The following ZNF76 variants were observed in gnomAD, a reference collection of about 807,000 sequenced individuals.
ZNF76 encodes zinc finger protein 523.
ZNF76 carries 66 observed loss-of-function variants against 66.9 expected under a neutral mutation model. The ratio of observed to expected loss-of-function variants is 0.99; its 90% CI spans 0.81 to 1.21. The LOEUF is 1.21. ZNF76 is among the 50% of genes most tolerant of loss of function. ZNF76 has a pLI of 0.00. For missense variants in ZNF76, 729 were observed against 760.3 expected, an observed-to-expected ratio of 0.96 and a Z score of 0.48; for synonymous variants, 275 against 296.1, an observed-to-expected ratio of 0.93 and a Z score of 0.73.
chr6:35,293,915 C>G lies in ZNF76; in HGVS notation c.1494C>G (p.Pro498=). 2.5e-6 allele frequency: 4 copies of G among 1,613,560 alleles called. No homozygotes were observed. The highest frequency in any genetic ancestry group is 3.4e-6 in the Non-Finnish European group (4 of 1,179,804). Residue 498 remains proline, a splice_region_variant and synonymous_variant, in exon 12 of 14, where the codon CCC becomes CCG. Transcript: ENST00000373953. ...GCGCCGATGGCACCCAGACGCAGCCCGTATGACCAGGCGGTTTGCTTGGGG... is the reference window on the plus strand; with the variant it reads ...GCGCCGATGGCACCCAGACGCAGCCGGTATGACCAGGCGGTTTGCTTGGGG... ...MVSADGTQTQ[P]VTIITSGAVV... is the part of the protein sequence containing the mutation.
intron 1 of ZNF76, among the ~76,000 whole-genome samples, chr6:35,267,005 T>G (rs904366420): frequency 1.3e-5 from 2 of 151,986 alleles, no homozygotes; most frequent in African/African-American, 4.8e-5. Context: ...TTCACCGTGT[T>G]AACCAGGATG....
At position 35,292,589 on chromosome 6, in the gene ZNF76, G is replaced by C. The variant is rs753748668; in HGVS notation, c.967G>C (p.Gly323Arg). 6.2e-7 allele frequency: 1 copy of C among 1,613,510 alleles called. No homozygotes were observed. The highest frequency in any genetic ancestry group is 1.7e-5 in the Admixed American group (1 of 60,006). Residue 323 changes from glycine to arginine, a missense_variant, in exon 10 of 14, where the codon GGG (glycine) becomes CGG (arginine). By Grantham distance (125) the Gly-to-Arg change is moderately radical. Transcript: ENST00000373953. The surrounding 1 kb of genome is among the most constrained non-coding windows in gnomAD (Gnocchi z 4.7). Reference sequence around the variant, plus strand: ...ATACGTTTGCACGGTGCCAGGCTGCGGGAAACGCTTCACCGAGTACTCGAG... The same window carrying C: ...ATACGTTTGCACGGTGCCAGGCTGCCGGAAACGCTTCACCGAGTACTCGAG... ...KPYVCTVPGCGKRFTEYSSLY... is the reference protein window; with the variant it reads ...KPYVCTVPGCRKRFTEYSSLY...
intron 1 of ZNF76, among the ~76,000 whole-genome samples, chr6:35,260,557 TGGTGCTAAGGAGGATATA>T (rs989095115): frequency 2.6e-5 from 4 of 152,300 alleles, no homozygotes; most frequent in Middle Eastern, 3.4e-3. Context: ...AGCACCTTTC[TGGTGCTAAGGAGGATATA>T]GAGATTAATA....
intron 2 of ZNF76, among the ~76,000 whole-genome samples, chr6:35,281,902 C>T (rs1788820610): frequency 1.3e-5 from 2 of 148,348 alleles, no homozygotes; most frequent in African/African-American, 5.0e-5. Context: ...CACCACTGCA[C>T]ACCAGCCTGG....
Position 35,292,567 on chromosome 6 carries a change from C to A in ZNF76, c.945C>A (p.Tyr315Ter), listed in dbSNP as rs147863647. The A allele has an allele frequency of 1.2e-6, 2 of 1,612,588 alleles. No homozygotes were observed. Among genetic ancestry groups the A allele is most frequent in the African/African-American group, 2.7e-5 (2 of 74,888 alleles). Residue 315 changes from tyrosine (Y) to a stop codon, truncating the protein, a stop_gained, in exon 10 of 14, where the codon TAC becomes TAA. Transcript: ENST00000373953. LOFTEE classifies it high-confidence loss of function. This position sits in a 1 kb window ranked among gnomAD's most constrained non-coding sequence, Gnocchi z 4.7. ...HVRIHTGEKPYVCTVPGCGKR... is the reference protein window; with the variant it reads ...HVRIHTGEKP ...CAGTGTCCCCAGGGGAGAAGCCATA[C>A]GTTTGCACGGTGCCAGGCTGCGGGA... is the stretch of plus-strand genomic sequence containing the variant.
Position 35,293,813 on chromosome 6 carries a change from C to T in ZNF76, c.1392C>T (p.His464=), listed in dbSNP as rs759224970. 1.3e-4 allele frequency: 217 copies of T among 1,614,016 alleles called. No homozygotes were observed. The highest frequency in any genetic ancestry group is 1.7e-4 in the Non-Finnish European group (198 of 1,180,042). Reference sequence around the variant, plus strand: ...GTGCCATCAGTATGGTCACCCAGCACGGCAGCACCACCCTCACCATCCCCA... The same window carrying T: ...GTGCCATCAGTATGGTCACCCAGCATGGCAGCACCACCCTCACCATCCCCA... ...LGSAISMVTQ[H]GSTTLTIPSP... The change falls in exon 12 of 14, where the codon CAC becomes CAT. Residue 464 remains histidine (H), a synonymous_variant. Coordinates refer to ENST00000373953, the MANE Select transcript of ZNF76 (RefSeq NM_003427.5).
intron 13 of ZNF76, 82 bp from the exon 14 acceptor site, chr6:35,295,062 A>G: frequency 8.9e-7 from 1 of 1,123,260 alleles, no homozygotes; most frequent in South Asian, 1.5e-5. Context: ...TCAAAAAAAA[A>G]AGTAGGCCAC....
chr6:35,284,105 T>C (rs545902657), intron 2 of ZNF76, among the ~76,000 whole-genome samples: 14 of 152,302 alleles, frequency 9.2e-5, no homozygotes, highest in South Asian at 6.2e-4. Context: ...TTCCTTTTTT[T>C]TTTTGAGACG....
chr6:35,291,494 C>G (rs1214017569), intron 8 of ZNF76, 64 bp from the exon 9 acceptor site: 2 of 1,607,094 alleles, frequency 1.2e-6, no homozygotes, highest in East Asian at 4.5e-5. Flanking sequence ...CCAGTGCCAT[C>G]CCCAGCTTGC....
chr6:35,275,430 A>G (rs1003527145), intron 1 of ZNF76, among the ~76,000 whole-genome samples: 2 of 152,154 alleles, frequency 1.3e-5, no homozygotes, highest in African/African-American at 2.4e-5. Flanking sequence ...GAACTCACAC[A>G]TAGCCATCCT....
intron 1 of ZNF76, among the ~76,000 whole-genome samples, chr6:35,266,846 G>A (rs1786190913): frequency 7.9e-6 from 1 of 126,402 alleles, no homozygotes; most frequent in Non-Finnish European, 1.6e-5. Context: ...CGTCACCCAG[G>A]CTGAAGTGCA....
chr6:35,281,011 G>T, intron 1 of ZNF76, 45 bp from the exon 2 acceptor site: 1 of 805,840 alleles, frequency 1.2e-6, no homozygotes. Context: ...TTTGCGATAG[G>T]AGAAAGCTGG....
At chr6:35,272,712 C>T (rs1401617068) in intron 1 of ZNF76, among the ~76,000 whole-genome samples, 2 of 152,206 alleles carry the variant, frequency 1.3e-5, no homozygotes, top group Non-Finnish European at 2.9e-5. Flanking sequence ...AATCATGGCT[C>T]TCCAAAGCCT....
At chr6:35,275,665 CAGT>C (rs1787787654) in intron 1 of ZNF76, among the ~76,000 whole-genome samples, 1 of 152,178 alleles carries the variant, frequency 6.6e-6, no homozygotes, top group South Asian at 2.1e-4. Context: ...CAGGGAACAA[CAGT>C]AGCCTCTTTT....
chr6:35,270,590 C>CT (rs1786894023), intron 1 of ZNF76: 1 of 152,168 alleles, frequency 6.6e-6, no homozygotes, highest in African/African-American at 2.4e-5. Flanking sequence ...GAGATGGAGT[C>CT]TCGCCCTGTC....
chr6:35,291,580 T>C lies in ZNF76; in HGVS notation c.774T>C (p.Pro258=), dbSNP rs139165017. ...TAGGTGAACGCCCGTTCCAGTGCCC[T>C]TTTGAGGGCTGTGGCCGCTCCTTCA... ...THTGERPFQC[P]FEGCGRSFTT... Residue 258 remains proline (P), a synonymous_variant, in exon 9 of 14, where the codon CCT becomes CCC. Coordinates refer to ENST00000373953, the MANE Select transcript of ZNF76 (RefSeq NM_003427.5). The C allele has an allele frequency of 1.9e-6, 3 of 1,613,746 alleles. No homozygotes were observed. The African/African-American group carries it at 4.0e-5, about 22-fold the overall frequency.
At chr6:35,265,693 A>G (rs899128822) in intron 1 of ZNF76, among the ~76,000 whole-genome samples, 1 of 152,124 alleles carries the variant, frequency 6.6e-6, no homozygotes, top group Non-Finnish European at 1.5e-5. Flanking sequence ...AGAACAGCAA[A>G]CACAAAGGCC....
intron 1 of ZNF76, among the ~76,000 whole-genome samples, chr6:35,265,096 G>C (rs892608460): frequency 6.6e-6 from 1 of 152,128 alleles, no homozygotes; most frequent in Non-Finnish European, 1.5e-5. Context: ...TACTTTTCTA[G>C]GTACTGGGAA....
rs1044118163 is a variant in ZNF76 at position 35,294,470 on chromosome 6, C to T, written c.1509C>T (p.Thr503=). 1.9e-6 allele frequency: 3 copies of T among 1,613,618 alleles called. No individual in the cohort carries two copies. Among genetic ancestry groups the T allele is most frequent in the Admixed American group, 1.7e-5 (1 of 60,020 alleles). ...TTGTCTTTCAGGTCACAATCATTAC[C>T]TCTGGGGCTGTGGTGGCTGAGGACT... is the stretch of plus-strand genomic sequence containing the variant. ...GTQTQPVTII[T]SGAVVAEDSS... is the part of the protein sequence containing the mutation. Residue 503 remains threonine, a synonymous_variant, in exon 13 of 14, where the codon ACC becomes ACT. Transcript: ENST00000373953.
Sources: gnomAD v4.1 joint callset for allele counts (sites outside exome capture counted in the v4.1 genomes callset) on GRCh38, gnomAD v4.1.1 for gene constraint, Gnocchi (gnomAD v3.1) non-coding constraint, MANE v1.5 for transcripts, NCBI Gene and HGNC (gene_info 2026-07-23, HGNC 2026-07-21) for gene names.